FAM227B: variants seen among roughly 807,000 people sequenced by gnomAD.
The protein encoded by FAM227B is family with sequence similarity 227 member B.
In FAM227B, 88 loss-of-function variants were observed where a neutral mutation model predicts 73.8. The ratio of observed to expected loss-of-function variants is 1.19; its 90% CI spans 1.00 to 1.42. The LOEUF is 1.42. Among genes scored for constraint, FAM227B ranks in the 40% most tolerant of loss-of-function variants. The pLI is 0.00. For missense variants in FAM227B, 632 were observed against 590.9 expected (o/e 1.07, Z -0.72); for synonymous variants, 210 against 190.5 (o/e 1.10, Z -0.84).
intron 13 of FAM227B, among the ~76,000 whole-genome samples, chr15:49,338,718 T>G (rs1479869568): frequency 6.6e-6 from 1 of 152,202 alleles, no homozygotes; most frequent in Non-Finnish European, 1.5e-5. Context: ...TCCTGAAGAG[T>G]GTTTTCCAAC....
intron 10 of FAM227B, among the ~76,000 whole-genome samples, chr15:49,520,790 T>C (rs1177367906): frequency 1.3e-5 from 2 of 152,152 alleles, no homozygotes; most frequent in East Asian, 3.9e-4. Flanking sequence ...CAGTTCAAGA[T>C]GAGATTTGCG....
chr15:49,604,939 T>C (rs2077417568), intron 3 of FAM227B, among the ~76,000 whole-genome samples: 1 of 152,118 alleles, frequency 6.6e-6, no homozygotes, highest in Non-Finnish European at 1.5e-5. Flanking sequence ...TCTACTTTTG[T>C]TCCTTTATTG....
At chr15:49,455,886 C>T (rs990059869) in intron 11 of FAM227B, among the ~76,000 whole-genome samples, 14 of 151,654 alleles carry the variant, frequency 9.2e-5, no homozygotes, top group South Asian at 4.2e-4. Flanking sequence ...GAAATATGCT[C>T]CTCTTAATTT....
chr15:49,494,027 GAACA>G (rs1329869387), intron 11 of FAM227B, among the ~76,000 whole-genome samples: 1 of 151,648 alleles, frequency 6.6e-6, no homozygotes, highest in African/African-American at 2.4e-5. Flanking sequence ...ATCAGATTTG[GAACA>G]AATGAGCCTT....
intron 15 of FAM227B, chr15:49,331,342 C>T (rs1301996416): frequency 6.5e-6 from 1 of 153,868 alleles, no homozygotes; most frequent in African/African-American, 2.4e-5. Flanking sequence ...GAACAGGCTC[C>T]TTTCTTTTCT....
intron 11 of FAM227B, among the ~76,000 whole-genome samples, chr15:49,459,663 T>C (rs1225601130): frequency 6.6e-6 from 1 of 152,198 alleles, no homozygotes; most frequent in Non-Finnish European, 1.5e-5. Context: ...TCTATAGTTC[T>C]CTACACTATT....
intron 13 of FAM227B, among the ~76,000 whole-genome samples, chr15:49,352,915 C>A (rs1188543739): frequency 6.6e-6 from 1 of 152,196 alleles, no homozygotes; most frequent in Non-Finnish European, 1.5e-5. Context: ...CTCTGTTACA[C>A]TGGTGTTCTG....
chr15:49,424,764 C>A (rs984658938), intron 11 of FAM227B: 10 of 463,388 alleles, frequency 2.2e-5, no homozygotes, highest in African/African-American at 7.8e-5. Flanking sequence ...TTTAACAGGG[C>A]AAATCTACTT....
intron 8 of FAM227B, among the ~76,000 whole-genome samples, chr15:49,569,456 G>A (rs1217861963): frequency 2.0e-5 from 3 of 151,500 alleles, no homozygotes; most frequent in African/African-American, 7.3e-5. Flanking sequence ...GAGACGGTGT[G>A]GTTGATTTCA....
At chr15:49,510,588 A>C (rs1597739855) in intron 10 of FAM227B, among the ~76,000 whole-genome samples, 1 of 151,994 alleles carries the variant, frequency 6.6e-6, no homozygotes. Flanking sequence ...AATCTGAACA[A>C]ATTTTTTCAT....
At position 49,400,988 on chromosome 15, in the gene FAM227B, A is replaced by T. The variant is rs550801568; in HGVS notation, c.1013-29589T>A. On this transcript the variant is annotated intron_variant, in intron 11 of 15. Transcript: ENST00000299338. ...CCAAAAGCAATGTCAACAAAAGACA[A>T]AATTGACAAATGGGATCTAATTAAA... Among the ~76,000 whole-genome samples the T allele has an allele frequency of 1.1e-4, 17 of 152,314 alleles. No individual in the cohort carries two copies. In the South Asian group the frequency reaches 3.5e-3, roughly 32 times the overall value.
intron 11 of FAM227B, among the ~76,000 whole-genome samples, chr15:49,437,495 T>C (rs2051212994): frequency 6.6e-6 from 1 of 151,666 alleles, no homozygotes; most frequent in East Asian, 1.9e-4. Context: ...CCAAAGATAG[T>C]ATATCTGGAA....
chr15:49,355,233 G>T (rs965293436), intron 13 of FAM227B, among the ~76,000 whole-genome samples: 1 of 152,236 alleles, frequency 6.6e-6, no homozygotes, highest in Non-Finnish European at 1.5e-5. Flanking sequence ...GAACAAAGCT[G>T]GATGGAGAAT....
At chr15:49,515,224 A>G (rs1337035785) in intron 10 of FAM227B, among the ~76,000 whole-genome samples, 1 of 152,024 alleles carries the variant, frequency 6.6e-6, no homozygotes, top group East Asian at 1.9e-4. Context: ...GTTCAAGTTA[A>G]TGGATTCTTT....
intron 3 of FAM227B, among the ~76,000 whole-genome samples, chr15:49,600,800 C>T (rs189527093): frequency 1.1e-3 from 166 of 151,824 alleles, no homozygotes; most frequent in Admixed American, 2.1e-3. Context: ...CCCAGCACTT[C>T]GGGAGGTTGA....
At chr15:49,387,228 G>T (rs1226188338) in intron 11 of FAM227B, among the ~76,000 whole-genome samples, 6 of 151,748 alleles carry the variant, frequency 4.0e-5, no homozygotes, top group Non-Finnish European at 7.4e-5. Context: ...TATGAACATA[G>T]ATTCAAAAAT....
chr15:49,449,993 T>A (rs907338140), intron 11 of FAM227B, among the ~76,000 whole-genome samples: 1 of 152,108 alleles, frequency 6.6e-6, no homozygotes, highest in Admixed American at 6.6e-5. Context: ...TAGACTGTGA[T>A]GCGCCATTCA....
rs191417163 is a variant in FAM227B at position 49,514,981 on chromosome 15, C to T, written c.875-6633G>A. Among the ~76,000 whole-genome samples the T allele has an allele frequency of 2.8e-3, 425 of 152,200 alleles. 6 individuals are homozygous for T. Among genetic ancestry groups the T allele is most frequent in the South Asian group, 0.027 (128 of 4,820 alleles). Reference sequence around the variant, plus strand: ...TTATTTTTCAACTTATGAATAGCCACGAGCTCCAGGACAAATTTTTGAAAA... The same window carrying T: ...TTATTTTTCAACTTATGAATAGCCATGAGCTCCAGGACAAATTTTTGAAAA... On this transcript the variant is annotated intron_variant, in intron 10 of 15. Transcript: ENST00000299338.
chr15:49,391,391 A>G (rs976091845), intron 11 of FAM227B, among the ~76,000 whole-genome samples: 1 of 152,140 alleles, frequency 6.6e-6, no homozygotes, highest in Non-Finnish European at 1.5e-5. Context: ...GAAGTAAATC[A>G]GCAACTCAAT....
Sources: allele counts gnomAD v4.1 joint callset (sites outside exome capture counted in the v4.1 genomes callset), GRCh38; gene constraint gnomAD v4.1.1; transcripts MANE v1.5; gene names NCBI Gene and HGNC (gene_info 2026-07-23, HGNC 2026-07-21).